GPHN: variants seen among roughly 807,000 people sequenced by gnomAD.
The protein encoded by GPHN is gephyrin.
A neutral mutation model predicts 95.5 loss-of-function variants in GPHN; 17 were observed. The observed-to-expected ratio is 0.18, with a 90% CI of 0.12 to 0.27. The LOEUF is 0.27. Among genes scored for constraint, GPHN ranks in the 10% least tolerant of loss-of-function variants. The probability of loss-of-function intolerance (pLI) is 1.00; values close to 1 mark genes in which losing one functional copy is unlikely to be tolerated. For synonymous variants in GPHN, 320 were observed against 322.5 expected, an observed-to-expected ratio of 0.99 and a Z score of 0.08; for missense variants, 660 against 978.1, an observed-to-expected ratio of 0.67 and a Z score of 4.34.
At chr14:67,694,416 G>GA in the GPHN span, among the ~76,000 whole-genome samples, 1 of 149,316 alleles carries the variant, frequency 6.7e-6, no homozygotes, top group African/African-American at 2.5e-5. Context: ...GCTGAGTTGG[G>GA]AATACAGCTC....
At chr14:67,674,807 T>C in the GPHN span, 2 of 238,748 alleles carry the variant, frequency 8.4e-6, no homozygotes, top group African/African-American at 4.6e-5. Flanking sequence ...CGGGTCCGGG[T>C]TGGGGAAAGG....
chr14:67,154,540 A>G (rs1452267768), intron 18 of GPHN, among the ~76,000 whole-genome samples: 1 of 152,142 alleles, frequency 6.6e-6, no homozygotes, highest in African/African-American at 2.4e-5. Context: ...GCACTCAGAA[A>G]TGTTTGGTGC....
the GPHN span, among the ~76,000 whole-genome samples, chr14:67,498,979 T>TTTCATTTATTTATTTA: frequency 6.8e-6 from 1 of 146,622 alleles, no homozygotes; most frequent in East Asian, 2.0e-4. Context: ...AAGGCAATGG[T>TTTCATTTATTTATTTA]TTTATTTATT....
chr14:67,332,979 T>C, the GPHN span: 22 of 1,587,320 alleles, frequency 1.4e-5, no homozygotes, highest in Non-Finnish European at 1.7e-5. Context: ...TTCTGTGGCA[T>C]GTTGGACTTG....
intron 1 of GPHN, among the ~76,000 whole-genome samples, chr14:66,520,554 T>C (rs2058436640): frequency 6.6e-6 from 1 of 152,168 alleles, no homozygotes; most frequent in African/African-American, 2.4e-5. Flanking sequence ...ACTCTCCATT[T>C]CAGTGCTCTG....
chr14:67,350,272 CTG>C, the GPHN span, among the ~76,000 whole-genome samples: 1 of 151,794 alleles, frequency 6.6e-6, no homozygotes, highest in South Asian at 2.1e-4. Context: ...TTCCAAAAAA[CTG>C]AGAATTAACC....
intron 2 of GPHN, among the ~76,000 whole-genome samples, chr14:66,763,821 C>T (rs1283456951): frequency 6.6e-6 from 1 of 152,078 alleles, no homozygotes; most frequent in Non-Finnish European, 1.5e-5. Context: ...TCTGTATTTA[C>T]AACCACTCCC....
intron 3 of GPHN, among the ~76,000 whole-genome samples, chr14:66,813,818 T>C (rs1457721206): frequency 6.6e-6 from 1 of 152,198 alleles, no homozygotes; most frequent in East Asian, 1.9e-4. Context: ...CTTGGTCTGC[T>C]GGCCTGTCCT....
intron 4 of GPHN, among the ~76,000 whole-genome samples, chr14:66,824,868 TCTGATGG>T (rs2061336414): frequency 6.6e-6 from 1 of 152,172 alleles, no homozygotes; most frequent in South Asian, 2.1e-4. Context: ...ATAGCAGAAT[TCTGATGG>T]TTAGCATGGC....
In GPHN at chr14:66,694,373, C is replaced by T. The variant is rs148194109; in HGVS notation, c.143+13188C>T. On this transcript the variant is annotated intron_variant, in intron 2 of 22. Coordinates refer to ENST00000478722, the MANE Select transcript of GPHN (RefSeq NM_020806.5). ...TAAACTTCTTTTGTTTATCAGCCAC[C>T]CAGTCCATGGTATTTTTTAAATAGC... is the stretch of plus-strand genomic sequence containing the variant. Among the ~76,000 whole-genome samples the T allele has an allele frequency of 1.2e-4, 18 of 152,220 alleles. No individual in the cohort carries two copies. In the East Asian group the frequency reaches 3.5e-3, roughly 29 times the overall value.
the GPHN span, among the ~76,000 whole-genome samples, chr14:67,232,549 C>A: frequency 1.3e-5 from 2 of 152,154 alleles, no homozygotes; most frequent in African/African-American, 4.8e-5. Context: ...TTTTGTATCA[C>A]AAAATCTCAT....
At chr14:67,063,444 A>G (rs887270768) in intron 11 of GPHN, among the ~76,000 whole-genome samples, 12 of 152,180 alleles carry the variant, frequency 7.9e-5, no homozygotes, top group Non-Finnish European at 1.2e-4. Context: ...TGAGCTTTAA[A>G]GTAGCCTTTT....
chr14:67,125,720 T>C (rs576824871), intron 17 of GPHN, among the ~76,000 whole-genome samples: 2 of 150,824 alleles, frequency 1.3e-5, no homozygotes, highest in African/African-American at 4.9e-5. Context: ...GGGGTTGCAG[T>C]GAGCCAACAT....
chr14:66,671,589 T>C (rs546913611), intron 1 of GPHN, among the ~76,000 whole-genome samples: 2 of 152,308 alleles, frequency 1.3e-5, no homozygotes, highest in East Asian at 3.8e-4. Flanking sequence ...ATTGATTACA[T>C]TAATACCATG....
At chr14:67,348,281 G>C in the GPHN span, among the ~76,000 whole-genome samples, 1 of 151,964 alleles carries the variant, frequency 6.6e-6, no homozygotes, top group South Asian at 2.1e-4. Flanking sequence ...TCCATATTAG[G>C]CTGGTCTCGA....
At chr14:67,214,674 T>G in the GPHN span, among the ~76,000 whole-genome samples, 1 of 151,900 alleles carries the variant, frequency 6.6e-6, no homozygotes, top group African/African-American at 2.4e-5. Flanking sequence ...CATATGAACT[T>G]TAAAGTAGTT....
chr14:67,563,005 G>T, the GPHN span: 1 of 1,151,716 alleles, frequency 8.7e-7, no homozygotes, highest in Non-Finnish European at 1.2e-6. Flanking sequence ...CATCCTCATG[G>T]TGGCCCTGGC....
chr14:67,451,150 G>A, the GPHN span, among the ~76,000 whole-genome samples: 5 of 152,336 alleles, frequency 3.3e-5, no homozygotes, highest in East Asian at 7.7e-4. Context: ...CTGGGGTTTG[G>A]GACCCTCCTC....
intron 4 of GPHN, among the ~76,000 whole-genome samples, chr14:66,850,576 C>T (rs2062538794): frequency 6.6e-6 from 1 of 152,092 alleles, no homozygotes; most frequent in Non-Finnish European, 1.5e-5. Flanking sequence ...TCCCCAGGGA[C>T]ATTTGCAATG....
Sources: allele counts gnomAD v4.1 joint callset (sites outside exome capture counted in the v4.1 genomes callset), GRCh38; gene constraint gnomAD v4.1.1; transcripts MANE v1.5; gene names NCBI Gene and HGNC (gene_info 2026-07-23, HGNC 2026-07-21).